The following CSMD1 variants were observed in gnomAD, a reference collection of about 807,000 sequenced individuals.
CSMD1 encodes the protein CUB and Sushi multiple domains 1, also known as CUB and sushi domain-containing protein 1.
Under a neutral mutation model 417.5 loss-of-function variants are expected in CSMD1, and 213 were observed. The ratio of observed to expected loss-of-function variants is 0.51; its 90% CI spans 0.46 to 0.57. The LOEUF is 0.57. Ranked by LOEUF, CSMD1 falls within the 20% of genes least tolerant of loss-of-function variation. CSMD1 has a pLI of 0.00. For synonymous variants in CSMD1, 2,862 were observed against 1,736.8 expected (o/e 1.65, Z -16.11); for missense variants, 6,923 against 4,529.7 (o/e 1.53, Z -15.17).
At chr8:4,867,982 T>C (rs1802516069) in intron 1 of CSMD1, among the ~76,000 whole-genome samples, 1 of 151,826 alleles carries the variant, frequency 6.6e-6, no homozygotes, top group South Asian at 2.1e-4. Context: ...CGTTTGTACA[T>C]CCTTTAAATT....
intron 3 of CSMD1, among the ~76,000 whole-genome samples, chr8:4,266,202 C>T (rs1024776641): frequency 9.6e-6 from 1 of 104,372 alleles, no homozygotes; most frequent in East Asian, 2.6e-4. Flanking sequence ...AGGTTTTTTA[C>T]GTTATTTTTT....
chr8:3,680,815 C>T (rs536046103), intron 7 of CSMD1, among the ~76,000 whole-genome samples: 1 of 152,166 alleles, frequency 6.6e-6, no homozygotes, highest in Admixed American at 6.5e-5. Flanking sequence ...CCGAACTCAG[C>T]AGCACATCAA....
At chr8:3,867,967 G>A (rs1197963365) in intron 5 of CSMD1, among the ~76,000 whole-genome samples, 1 of 152,032 alleles carries the variant, frequency 6.6e-6, no homozygotes, top group Non-Finnish European at 1.5e-5. Flanking sequence ...TGGTGTTTAT[G>A]TCACTGTGGG....
intron 50 of CSMD1, among the ~76,000 whole-genome samples, chr8:3,037,567 T>C (rs1185133416): frequency 6.6e-6 from 1 of 152,136 alleles, no homozygotes; most frequent in South Asian, 2.1e-4. Context: ...TGGGTGTGCA[T>C]GTGTCTTTTC....
At chr8:3,821,542 A>G (rs1003095746) in intron 5 of CSMD1, among the ~76,000 whole-genome samples, 1 of 152,094 alleles carries the variant, frequency 6.6e-6, no homozygotes, top group Non-Finnish European at 1.5e-5. Flanking sequence ...CAGCACTTTG[A>G]AAGGCCGAGG....
intron 5 of CSMD1, among the ~76,000 whole-genome samples, chr8:3,813,473 C>T (rs570596521): frequency 6.6e-6 from 1 of 152,108 alleles, no homozygotes; most frequent in Admixed American, 6.5e-5. Context: ...AATGTCGTAT[C>T]TTTTGGACTT....
chr8:3,311,608 A>C (rs1024747766), intron 23 of CSMD1, among the ~76,000 whole-genome samples: 1 of 152,236 alleles, frequency 6.6e-6, no homozygotes, highest in Non-Finnish European at 1.5e-5. Flanking sequence ...AGTATTGAAT[A>C]CTGTACAGGA....
In CSMD1 at chr8:3,160,954, T is replaced by C. The variant is rs149641962; in HGVS notation, c.5844+1205A>G. On this transcript the variant is annotated intron_variant, in intron 38 of 69. Transcript: ENST00000635120. ...GCAGAAACTGAATTCCACACAGTGC[T>C]GTTATTTCACGGCTGTAGTGTTGCA... Among the ~76,000 whole-genome samples, 1,316 of 152,352 alleles carry C rather than the reference T, an allele frequency of 8.6e-3. 8 individuals are homozygous for C. The highest frequency in any genetic ancestry group is 0.018 in the Admixed American group (269 of 15,302).
chr8:4,704,652 T>A (rs1202705953), intron 1 of CSMD1, among the ~76,000 whole-genome samples: 1 of 152,246 alleles, frequency 6.6e-6, no homozygotes, highest in Non-Finnish European at 1.5e-5. Flanking sequence ...TACCTTCTAC[T>A]GGTCATTTAA....
At chr8:3,480,753 C>T (rs561678713) in intron 11 of CSMD1, among the ~76,000 whole-genome samples, 3 of 152,112 alleles carry the variant, frequency 2.0e-5, no homozygotes, top group East Asian at 1.9e-4. Flanking sequence ...ATCATGGAGG[C>T]CAGAAGGAAG....
chr8:4,537,798 G>C (rs150488707), intron 2 of CSMD1, among the ~76,000 whole-genome samples: 4 of 152,276 alleles, frequency 2.6e-5, no homozygotes, highest in East Asian at 1.9e-4. Context: ...CTGACTCTCA[G>C]GGCCGTGTTT....
At chr8:4,490,694 T>C (rs188909666) in intron 2 of CSMD1, among the ~76,000 whole-genome samples, 4 of 152,124 alleles carry the variant, frequency 2.6e-5, no homozygotes, top group Non-Finnish European at 4.4e-5. Context: ...AATAAGAGAC[T>C]CTTAACTTCA....
Position 3,965,704 on chromosome 8 carries a change from G to A in CSMD1, c.818+32199C>T, listed in dbSNP as rs192361785. Among the ~76,000 whole-genome samples, 154 of 152,146 alleles carry A rather than the reference G, an allele frequency of 1.0e-3. 1 individual carries two copies. The highest frequency in any genetic ancestry group is 6.8e-3 in the Middle Eastern group (2 of 294). On this transcript the variant is annotated intron_variant, in intron 5 of 69. Coordinates refer to ENST00000635120, the MANE Select transcript of CSMD1 (RefSeq NM_033225.6). ...GCCATCTCAGCTCACTACAACCTCT[G>A]CCTCCCACTTTCCGGAGATTCTCCT...
intron 3 of CSMD1, among the ~76,000 whole-genome samples, chr8:4,045,919 A>T (rs994070492): frequency 6.6e-6 from 1 of 152,098 alleles, no homozygotes. Flanking sequence ...CAGGTATTAC[A>T]TATTTTCTGG....
chr8:2,964,624 T>A (rs898406043), intron 59 of CSMD1, among the ~76,000 whole-genome samples: 1 of 152,230 alleles, frequency 6.6e-6, no homozygotes, highest in Admixed American at 6.5e-5. Flanking sequence ...GCAATTTCCA[T>A]CATGACCATT....
chr8:4,288,377 A>G (rs984088167), intron 3 of CSMD1, among the ~76,000 whole-genome samples: 9 of 152,262 alleles, frequency 5.9e-5, no homozygotes, highest in African/African-American at 1.2e-4. Context: ...CAGAGAGGCT[A>G]TCTTACAAGA....
At chr8:4,424,272 CA>C (rs1323310532) in intron 2 of CSMD1, among the ~76,000 whole-genome samples, 1 of 151,968 alleles carries the variant, frequency 6.6e-6, no homozygotes, top group Non-Finnish European at 1.5e-5. Flanking sequence ...ACTGGGAAAA[CA>C]CATTCGCAAG....
intron 1 of CSMD1, among the ~76,000 whole-genome samples, chr8:4,836,335 A>T (rs1800489327): frequency 6.6e-6 from 1 of 152,134 alleles, no homozygotes; most frequent in Non-Finnish European, 1.5e-5. Flanking sequence ...CACCATTTCC[A>T]TGTCTTATGA....
At chr8:3,382,427 A>C (rs1463220136) in intron 18 of CSMD1, among the ~76,000 whole-genome samples, 1 of 143,548 alleles carries the variant, frequency 7.0e-6, no homozygotes, top group Non-Finnish European at 1.5e-5. Context: ...CACATAATAT[A>C]TTATATAATA....
Sources: gnomAD v4.1 joint callset for allele counts (sites outside exome capture counted in the v4.1 genomes callset) on GRCh38, gnomAD v4.1.1 for gene constraint, MANE v1.5 for transcripts, NCBI Gene and HGNC (gene_info 2026-07-23, HGNC 2026-07-21) for gene names.